Variants in AOAH observed in about 807,000 individuals in gnomAD.
AOAH encodes acyloxyacyl hydrolase.
A neutral mutation model predicts 92.2 loss-of-function variants in AOAH; 64 were observed. The observed-to-expected ratio is 0.69, with a 90% CI of 0.57 to 0.86. The LOEUF (loss-of-function observed/expected upper bound fraction) is 0.86. Among genes scored for constraint, AOAH ranks in the 40% least tolerant of loss-of-function variants. The probability of loss-of-function intolerance (pLI) is 0.00; values close to 1 mark genes in which losing one functional copy is unlikely to be tolerated. For missense variants in AOAH, 656 were observed against 694.6 expected (o/e 0.94, Z 0.62); for synonymous variants, 263 against 254.5 (o/e 1.03, Z -0.32).
intron 1 of AOAH, among the ~76,000 whole-genome samples, chr7:36,722,366 C>G (rs1799684765): frequency 6.6e-6 from 1 of 152,130 alleles, no homozygotes; most frequent in Admixed American, 6.5e-5. Flanking sequence ...AGTGAAGGTC[C>G]AAGGATCTCA....
chr7:36,626,130 A>AAGAT (rs1792644518), intron 6 of AOAH, among the ~76,000 whole-genome samples: 1 of 152,200 alleles, frequency 6.6e-6, no homozygotes, highest in Non-Finnish European at 1.5e-5. Context: ...TGAGAAAAGG[A>AAGAT]AGATAAAGAA....
In AOAH at chr7:36,522,209, C is replaced by G. The variant is rs1166039008; in HGVS notation, c.1523-94G>C. The G allele has an allele frequency of 3.4e-6, 4 of 1,187,924 alleles. No individual in the cohort carries two copies. The East Asian group carries it at 7.3e-5, about 22-fold the overall frequency. 73.6% of individuals were successfully genotyped at this position (1,187,924 alleles called of 1,614,324 possible). On this transcript the variant is annotated intron_variant, in intron 19 of 20. Transcript: ENST00000617537. ...GACGTGAGAACTGCCCATGCCCTCC[C>G]GGGCCCATGTTGACCAAGCCACGGC...
intron 16 of AOAH, among the ~76,000 whole-genome samples, chr7:36,537,506 G>GTTTT (rs67918250): frequency 2.9e-4 from 39 of 134,804 alleles, no homozygotes; most frequent in Non-Finnish European, 3.3e-4. Context: ...CACCCCTCTT[G>GTTTT]TTTTTTTTTT....
chr7:36,688,296 T>C (rs1404409888), intron 1 of AOAH, among the ~76,000 whole-genome samples: 1 of 152,222 alleles, frequency 6.6e-6, no homozygotes, highest in Non-Finnish European at 1.5e-5. Flanking sequence ...TTTTAAATTT[T>C]ACAAAATACA....
At chr7:36,617,111 T>C (rs1429356295) in intron 10 of AOAH, among the ~76,000 whole-genome samples, 1 of 152,170 alleles carries the variant, frequency 6.6e-6, no homozygotes, top group East Asian at 1.9e-4. Flanking sequence ...AATTGATGCC[T>C]CCCAGAGGCA....
intron 11 of AOAH, among the ~76,000 whole-genome samples, chr7:36,606,790 G>GT (rs147427466): frequency 0.012 from 1,884 of 152,258 alleles, 38 homozygotes; most frequent in African/African-American, 0.042. Flanking sequence ...GCATGAAAGT[G>GT]TTTTTGGATT....
In AOAH at chr7:36,549,420, C is replaced by T. The variant is rs1420471359; in HGVS notation, c.1058+19G>A. On this transcript the variant is annotated intron_variant, in intron 14 of 20. Transcript: ENST00000617537. ...AAATGAGAAACCAAATTAAAAACAA[C>T]TTCTTATCTTCTGCTTACCTTTCTA... 1 of 1,578,984 alleles carries T rather than the reference C, an allele frequency of 6.3e-7. No homozygotes were observed. The highest frequency in any genetic ancestry group is 1.1e-5 in the South Asian group (1 of 88,598).
intron 1 of AOAH, among the ~76,000 whole-genome samples, chr7:36,706,556 C>T (rs1798423213): frequency 6.6e-6 from 1 of 152,156 alleles, no homozygotes; most frequent in African/African-American, 2.4e-5. Flanking sequence ...TAACAAGAGT[C>T]AGCTTGTCCT....
chr7:36,615,470 G>A (rs1178391840), intron 11 of AOAH, among the ~76,000 whole-genome samples: 1 of 152,178 alleles, frequency 6.6e-6, no homozygotes, highest in Non-Finnish European at 1.5e-5. Flanking sequence ...CTAGGCACAG[G>A]TTTTGTTACA....
Position 36,613,938 on chromosome 7 carries a change from G to A in AOAH, c.846+2442C>T, listed in dbSNP as rs1008895108. Among the ~76,000 whole-genome samples, 30 of 152,222 alleles carry A rather than the reference G, an allele frequency of 2.0e-4. 1 individual carries two copies. Among genetic ancestry groups the A allele is most frequent in the Admixed American group, 2.0e-3 (30 of 15,282 alleles). On this transcript the variant is annotated intron_variant, in intron 11 of 20. Transcript: ENST00000617537. ...TCCCCACTTGCTCATCTTTACAGAGGGAGAGCTATGCTTGCCCAGTGTGGG... is the reference window on the plus strand; with the variant it reads ...TCCCCACTTGCTCATCTTTACAGAGAGAGAGCTATGCTTGCCCAGTGTGGG...
At position 36,520,286 on chromosome 7, in the gene AOAH, T is replaced by C. The variant is rs1353025844; in HGVS notation, c.1599+1753A>G. 2.6e-5 allele frequency among the ~76,000 whole-genome samples: 4 copies of C among 152,230 alleles called. No individual in the cohort carries two copies. In the East Asian group the frequency reaches 7.7e-4, roughly 29 times the overall value. Reference sequence around the variant, plus strand: ...GATAAAACAAAGCTGTCTTTGATCCTCCTCTTTTTAGTTTGTTCCTGATAC... The same window carrying C: ...GATAAAACAAAGCTGTCTTTGATCCCCCTCTTTTTAGTTTGTTCCTGATAC... On this transcript the variant is annotated intron_variant, in intron 20 of 20. Transcript: ENST00000617537.
At chr7:36,626,842 C>T (rs1490348636) in intron 6 of AOAH, among the ~76,000 whole-genome samples, 1 of 152,178 alleles carries the variant, frequency 6.6e-6, no homozygotes, top group Non-Finnish European at 1.5e-5. Flanking sequence ...TGGTCTTTAG[C>T]TCCTGACCTT....
At chr7:36,700,912 A>G (rs577649328) in intron 1 of AOAH, among the ~76,000 whole-genome samples, 34 of 152,132 alleles carry the variant, frequency 2.2e-4, no homozygotes, top group African/African-American at 7.9e-4. Flanking sequence ...TGTGGTTTTA[A>G]TTTGCATTTC....
intron 2 of AOAH, among the ~76,000 whole-genome samples, chr7:36,685,518 T>C (rs1418592827): frequency 6.6e-6 from 1 of 152,196 alleles, no homozygotes; most frequent in Admixed American, 6.5e-5. Flanking sequence ...TTTCTACAGT[T>C]GTCTTGTTTT....
At chr7:36,670,323 G>A (rs1425272962) in intron 3 of AOAH, among the ~76,000 whole-genome samples, 1 of 152,182 alleles carries the variant, frequency 6.6e-6, no homozygotes, top group Non-Finnish European at 1.5e-5. Context: ...CATGCCCAAT[G>A]AGGAAACATT....
chr7:36,556,303 T>A (rs1166882434), intron 13 of AOAH, among the ~76,000 whole-genome samples: 5 of 152,144 alleles, frequency 3.3e-5, no homozygotes, highest in Non-Finnish European at 5.9e-5. Context: ...TTTGAGTGAG[T>A]TTCTTAATCC....
At chr7:36,529,540 A>G (rs116095043) in intron 19 of AOAH, among the ~76,000 whole-genome samples, 3,097 of 151,868 alleles carry the variant, frequency 0.02, 116 homozygotes, top group African/African-American at 0.071. Flanking sequence ...ATATTTGATA[A>G]TTCATGATGG....
rs186243158 is a variant in AOAH, at chr7:36,714,550, C to G, written c.127+9472G>C. Among the ~76,000 whole-genome samples the G allele has an allele frequency of 3.5e-3, 535 of 152,264 alleles. 14 individuals are homozygous for G. The East Asian group carries it at 0.056, about 16-fold the overall frequency. On this transcript the variant is annotated intron_variant, in intron 1 of 20. Coordinates refer to ENST00000617537, the MANE Select transcript of AOAH (RefSeq NM_001637.4). Reference sequence around the variant, plus strand: ...AAAAGAGAATTTTAGACCAATATCCCTGATGAACATCGATGCAAAAATCCT... The same window carrying G: ...AAAAGAGAATTTTAGACCAATATCCGTGATGAACATCGATGCAAAAATCCT...
At chr7:36,627,347 A>G (rs1341817058) in intron 6 of AOAH, among the ~76,000 whole-genome samples, 2 of 151,920 alleles carry the variant, frequency 1.3e-5, no homozygotes, top group African/African-American at 2.4e-5. Flanking sequence ...AGGACAGCGT[A>G]GTGGGAAGGA....
Sources: allele counts gnomAD v4.1 joint callset (sites outside exome capture counted in the v4.1 genomes callset), GRCh38; gene constraint gnomAD v4.1.1; transcripts MANE v1.5; gene names NCBI Gene and HGNC (gene_info 2026-07-23, HGNC 2026-07-21).